The following MAP3K4 variants were observed in gnomAD, a reference collection of about 807,000 sequenced individuals.
The protein encoded by MAP3K4 is mitogen-activated protein kinase kinase kinase 4.
MAP3K4 carries 67 observed loss-of-function variants against 185.6 expected under a neutral mutation model. That is an observed-to-expected ratio of 0.36 (90% CI 0.30 to 0.44). The LOEUF is 0.44. MAP3K4 is among the 20% of genes least tolerant of loss of function. The pLI is 1.00. For missense variants in MAP3K4, 1,551 were observed against 1,995.1 expected (o/e 0.78, Z 4.24); for synonymous variants, 702 against 710.4 (o/e 0.99, Z 0.19).
chr6:161,095,347 C>T (rs534955968), intron 15 of MAP3K4, among the ~76,000 whole-genome samples: 7 of 152,154 alleles, frequency 4.6e-5, no homozygotes, highest in Non-Finnish European at 1.0e-4. Flanking sequence ...TTCTAGTGTT[C>T]CATACGCAAC....
At chr6:161,003,513 A>G (rs1354304640) in intron 1 of MAP3K4, among the ~76,000 whole-genome samples, 1 of 152,108 alleles carries the variant, frequency 6.6e-6, no homozygotes, top group African/African-American at 2.4e-5. Flanking sequence ...GTATCTTCTC[A>G]AAGTTGTTTA....
At chr6:161,025,986 G>C (rs1337932277) in intron 1 of MAP3K4, among the ~76,000 whole-genome samples, 1 of 152,116 alleles carries the variant, frequency 6.6e-6, no homozygotes, top group Non-Finnish European at 1.5e-5. Flanking sequence ...GCTTTCCCTT[G>C]AATAGTTTTT....
At chr6:161,027,664 A>G (rs1398409813) in intron 1 of MAP3K4, among the ~76,000 whole-genome samples, 1 of 152,224 alleles carries the variant, frequency 6.6e-6, no homozygotes, top group African/African-American at 2.4e-5. Flanking sequence ...TGTAGCCCTC[A>G]TTAAAGTAGT....
In MAP3K4 at chr6:161,091,976, C is replaced by T; in HGVS notation, c.3136-34C>T. 1 of 1,564,894 alleles carries T rather than the reference C, an allele frequency of 6.4e-7. No homozygotes were observed. Among genetic ancestry groups the T allele is most frequent in the Non-Finnish European group, 8.8e-7 (1 of 1,136,218 alleles). ...GTGTGATATTATTTAATGATCATTT[C>T]CTTAATGTTGATATACATGAAATCT... On this transcript the variant is annotated intron_variant, in intron 12 of 26. Coordinates refer to ENST00000392142, the MANE Select transcript of MAP3K4 (RefSeq NM_005922.4). This position sits in a 1 kb window ranked among gnomAD's most constrained non-coding sequence, Gnocchi z 5.5.
Position 160,992,008 on chromosome 6 carries a change from C to G in MAP3K4, c.77C>G (p.Pro26Arg). 3.2e-6 allele frequency: 5 copies of G among 1,545,020 alleles called. No individual in the cohort carries two copies. Among genetic ancestry groups the G allele is most frequent in the Non-Finnish European group, 4.3e-6 (5 of 1,152,148 alleles). The change falls in exon 1 of 27, where the codon CCG (proline) becomes CGG (arginine). Residue 26 changes from proline (P) to arginine (R), a missense_variant. Pro to Arg is a moderately radical substitution (Grantham distance 103, BLOSUM62 -2). Transcript: ENST00000392142. ...CCTGCCGCCGCCATGGAGGAGCCGC[C>G]GCCACCGCCGCCGCCGCCACCACCG... ...VTPAAAMEEP[P>R]PPPPPPPPPP...
rs1783585709 is a variant in MAP3K4, at chr6:161,043,541, A to G, written c.344-5075A>G. ...TAGGACCCCTGTTCTGACATTAACC[A>G]TGTGTCTAACCATCTGTGTTCTGTG... On this transcript the variant is annotated intron_variant, in intron 2 of 26. Transcript: ENST00000392142. This position sits in a 1 kb window ranked among gnomAD's most constrained non-coding sequence, Gnocchi z 4.3. Among the ~76,000 whole-genome samples, 1 of 152,134 alleles carries G rather than the reference A, an allele frequency of 6.6e-6. No homozygotes were observed. Among genetic ancestry groups the G allele is most frequent in the South Asian group, 2.1e-4 (1 of 4,828 alleles).
At chr6:161,052,734 T>C (rs957285265) in intron 3 of MAP3K4, among the ~76,000 whole-genome samples, 1 of 152,146 alleles carries the variant, frequency 6.6e-6, no homozygotes, top group African/African-American at 2.4e-5. Flanking sequence ...GGCGTGTGTG[T>C]GTGCGTGCTT....
At position 161,080,777 on chromosome 6, in the gene MAP3K4, C is replaced by G; in HGVS notation, c.2098-104C>G. 1 of 992,648 alleles carries G rather than the reference C, an allele frequency of 1.0e-6. No individual in the cohort carries two copies. Among genetic ancestry groups the G allele is most frequent in the South Asian group, 1.4e-5 (1 of 69,740 alleles). 61.5% of individuals were successfully genotyped at this position (992,648 alleles called of 1,614,324 possible). A position where few individuals can be genotyped will look rare whatever the true frequency, so the allele number is the denominator to read the frequency against. ...GGTGCTGCGTGCCTGTGACAGCCCC[C>G]GGCCCGCCCCCACTTTACCCTGCTG... On this transcript the variant is annotated intron_variant, in intron 5 of 26. Transcript: ENST00000392142. The surrounding 1 kb of genome is among the most constrained non-coding windows in gnomAD (Gnocchi z 4.8).
chr6:161,041,522 G>C (rs773412841), intron 2 of MAP3K4, among the ~76,000 whole-genome samples: 103 of 152,222 alleles, frequency 6.8e-4, no homozygotes, highest in Non-Finnish European at 1.3e-3. Context: ...TGGTATGGGG[G>C]CAAGGGTAGG....
At chr6:161,081,790 T>G (rs544226111) in intron 6 of MAP3K4, among the ~76,000 whole-genome samples, 4 of 152,344 alleles carry the variant, frequency 2.6e-5, no homozygotes, top group African/African-American at 9.6e-5. Flanking sequence ...CCTTCTGTGC[T>G]TTAGATTCTG....
At chr6:160,992,108 C>A in intron 1 of MAP3K4, 25 bp downstream of exon 1, 2 of 1,529,112 alleles carry the variant, frequency 1.3e-6, no homozygotes, top group South Asian at 2.5e-5. Context: ...CGCAGTCGGT[C>A]GCTCGCAGAA....
intron 3 of MAP3K4, among the ~76,000 whole-genome samples, chr6:161,052,507 A>C (rs1024203431): frequency 6.6e-6 from 1 of 152,202 alleles, no homozygotes; most frequent in African/African-American, 2.4e-5. Flanking sequence ...TCAAAAAATG[A>C]ACTACAGAAG....
chr6:161,074,913 C>G lies in MAP3K4; in HGVS notation c.2097+1301C>G, dbSNP rs896068203. ...TAGGAGCTCTCCTGGCAACCCCACC[C>G]AGCACATTTCCCCTGCCTTTTGTTG... On this transcript the variant is annotated intron_variant, in intron 5 of 26. Coordinates refer to ENST00000392142, the MANE Select transcript of MAP3K4 (RefSeq NM_005922.4). The surrounding 1 kb of genome is among the most constrained non-coding windows in gnomAD (Gnocchi z 5.0). Among the ~76,000 whole-genome samples the G allele has an allele frequency of 6.6e-6, 1 of 152,178 alleles. No homozygotes were observed. Among genetic ancestry groups the G allele is most frequent in the African/African-American group, 2.4e-5 (1 of 41,444 alleles).
At position 161,064,832 on chromosome 6, in the gene MAP3K4, C is replaced by T. The variant is rs972155641; in HGVS notation, c.1708-5776C>T. On this transcript the variant is annotated intron_variant, in intron 3 of 26. Transcript: ENST00000392142. This position sits in a 1 kb window ranked among gnomAD's most constrained non-coding sequence, Gnocchi z 4.3. ...TGCAGGTTCTGGAGGGTACACGGCA[C>T]GCCTACAGGCCGCTCATGCAGAGGT... Among the ~76,000 whole-genome samples the T allele has an allele frequency of 1.3e-5, 2 of 152,114 alleles. No homozygotes were observed. The highest frequency in any genetic ancestry group is 1.9e-4 in the East Asian group (1 of 5,184).
intron 1 of MAP3K4, among the ~76,000 whole-genome samples, chr6:161,005,562 G>A (rs1190709811): frequency 6.6e-6 from 1 of 152,024 alleles, no homozygotes; most frequent in African/African-American, 2.4e-5. Context: ...AGAGACCTTG[G>A]AAATTATCTT....
At chr6:161,019,141 A>G (rs1249848713) in intron 1 of MAP3K4, among the ~76,000 whole-genome samples, 1 of 152,180 alleles carries the variant, frequency 6.6e-6, no homozygotes, top group East Asian at 1.9e-4. Flanking sequence ...AGTGGTTGTA[A>G]ATGTTTCAAA....
At chr6:161,102,446 C>T (rs1007400494) in intron 18 of MAP3K4, among the ~76,000 whole-genome samples, 6 of 152,094 alleles carry the variant, frequency 3.9e-5, no homozygotes, top group Admixed American at 6.6e-5. Flanking sequence ...ACTTTTTGCA[C>T]AGTATTCTGT....
rs1778197811 is a variant in MAP3K4, at chr6:161,108,366, C to T, written c.4120-377C>T. 6.6e-6 allele frequency among the ~76,000 whole-genome samples: 1 copy of T among 152,144 alleles called. No homozygotes were observed. Among genetic ancestry groups the T allele is most frequent in the African/African-American group, 2.4e-5 (1 of 41,426 alleles). ...GCTGGAGGTAGGATGGGGAAAGGGC[C>T]AGGGAACCTGAAGTAGAAACAGGAC... On this transcript the variant is annotated intron_variant, in intron 21 of 26. Transcript: ENST00000392142. The surrounding 1 kb of genome is among the most constrained non-coding windows in gnomAD (Gnocchi z 5.7).
intron 1 of MAP3K4, among the ~76,000 whole-genome samples, chr6:161,024,819 A>G (rs985081302): frequency 2.6e-5 from 4 of 152,226 alleles, no homozygotes; most frequent in Non-Finnish European, 5.9e-5. Flanking sequence ...TTCTGTCACC[A>G]GAGTGTAGCC....
Sources: allele counts gnomAD v4.1 joint callset (sites outside exome capture counted in the v4.1 genomes callset), GRCh38; gene constraint gnomAD v4.1.1; non-coding constraint Gnocchi (gnomAD v3.1); transcripts MANE v1.5; gene names NCBI Gene and HGNC (gene_info 2026-07-23, HGNC 2026-07-21).